ZNF420: variants seen among roughly 807,000 people sequenced by gnomAD.
The protein encoded by ZNF420 is ATM and p53-associated KZNF protein.
A neutral mutation model predicts 44.7 loss-of-function variants in ZNF420; 31 were observed. The observed-to-expected ratio is 0.69, with a 90% CI of 0.52 to 0.94. The LOEUF is 0.94. ZNF420 is among the 40% of genes least tolerant of loss of function. ZNF420 has a pLI of 0.00. For missense variants in ZNF420, 681 were observed against 827.9 expected (o/e 0.82, Z 2.18); for synonymous variants, 245 against 267.4 (o/e 0.92, Z 0.82).
At chr19:37,030,522 A>C (rs1186277333) in intron 1 of ZNF420, among the ~76,000 whole-genome samples, 1 of 152,036 alleles carries the variant, frequency 6.6e-6, no homozygotes, top group Non-Finnish European at 1.5e-5. Flanking sequence ...GTCATGCAAT[A>C]TTTTTCTTTC....
chr19:37,047,099 C>T (rs115858726), intron 1 of ZNF420, among the ~76,000 whole-genome samples: 2,676 of 148,728 alleles, frequency 0.018, 51 homozygotes, highest in Middle Eastern at 0.058. Context: ...TATGAGCCAA[C>T]GATTATGATT....
intron 1 of ZNF420, among the ~76,000 whole-genome samples, chr19:37,016,417 C>T (rs1200077226): frequency 2.0e-5 from 3 of 152,222 alleles, no homozygotes; most frequent in Non-Finnish European, 4.4e-5. Flanking sequence ...CACCTCTTGG[C>T]TCCTCTGGCT....
At chr19:37,059,262 CG>C (rs1294215781) in intron 1 of ZNF420, among the ~76,000 whole-genome samples, 1 of 142,422 alleles carries the variant, frequency 7.0e-6, no homozygotes, top group African/African-American at 2.5e-5. Context: ...GCCGCCGCCG[CG>C]GCTGCAGCAG....
Position 37,127,938 on chromosome 19 carries a change from T to C in ZNF420, c.947T>C (p.Phe316Ser), listed in dbSNP as rs1971446357. 1.9e-6 allele frequency: 3 copies of C among 1,613,968 alleles called. No individual in the cohort carries two copies. The highest frequency in any genetic ancestry group is 2.5e-6 in the Non-Finnish European group (3 of 1,179,986). Residue 316 changes from phenylalanine (F) to serine (S), a missense_variant, in exon 5 of 5, where the codon TTT becomes TCT. This residue lies in a region of ZNF420 where 350 missense variants were observed against 382.5 expected (regional missense o/e 0.92). Transcript: ENST00000337995. ...PYECKECGKA[F>S]ICGSQLSQHQ... Reference sequence around the variant, plus strand: ...GAATGTAAGGAATGTGGAAAAGCTTTTATTTGTGGCTCACAGCTTTCTCAA... The same window carrying C: ...GAATGTAAGGAATGTGGAAAAGCTTCTATTTGTGGCTCACAGCTTTCTCAA...
upstream of ZNF420, among the ~76,000 whole-genome samples, chr19:37,073,583 A>G (rs2146457723): frequency 6.6e-6 from 1 of 151,958 alleles, no homozygotes; most frequent in African/African-American, 2.4e-5. Context: ...TACTAAAAAT[A>G]TAAAAAAATT....
intron 1 of ZNF420, among the ~76,000 whole-genome samples, chr19:37,030,441 G>A (rs983866087): frequency 4.6e-5 from 7 of 152,168 alleles, no homozygotes; most frequent in Non-Finnish European, 1.5e-5. Flanking sequence ...GATTACAGGC[G>A]TGACCCACTG....
At chr19:37,010,565 T>C (rs2061080216) in intron 1 of ZNF420, among the ~76,000 whole-genome samples, 1 of 152,052 alleles carries the variant, frequency 6.6e-6, no homozygotes, top group African/African-American at 2.4e-5. Context: ...TCTCTCTGTC[T>C]GTGAGTGTGT....
At position 37,127,436 on chromosome 19, in the gene ZNF420, A is replaced by G; in HGVS notation, c.445A>G (p.Arg149Gly). The G allele has an allele frequency of 1.7e-5, 27 of 1,614,132 alleles. No individual in the cohort carries two copies. Among genetic ancestry groups the G allele is most frequent in the Non-Finnish European group, 2.3e-5 (27 of 1,180,000 alleles). Residue 149 changes from arginine (R) to glycine (G), a missense_variant, in exon 5 of 5, where the codon AGA becomes GGA. This residue lies in a region of ZNF420 where 350 missense variants were observed against 382.5 expected (regional missense o/e 0.92). Transcript: ENST00000337995. ...YKCKECGKAF[R>G]RASHLTQHQS... is the part of the protein sequence containing the mutation. ...ATGTAAGGAATGTGGGAAAGCCTTC[A>G]GACGAGCCTCACACCTAACACAACA... is the stretch of plus-strand genomic sequence containing the variant.
intron 4 of ZNF420, among the ~76,000 whole-genome samples, chr19:37,124,995 C>T (rs773098048): frequency 5.3e-5 from 8 of 152,192 alleles, no homozygotes; most frequent in Non-Finnish European, 1.0e-4. Context: ...CGCCACCATG[C>T]CTGGCTAATT....
intron 4 of ZNF420, among the ~76,000 whole-genome samples, chr19:37,099,250 A>G (rs1969626364): frequency 6.6e-6 from 1 of 151,322 alleles, no homozygotes; most frequent in South Asian, 2.1e-4. Flanking sequence ...TTTTTGAGAA[A>G]CCTCCATACT....
chr19:37,110,315 T>G (rs1439481689), intron 4 of ZNF420, among the ~76,000 whole-genome samples: 1 of 152,208 alleles, frequency 6.6e-6, no homozygotes, highest in Non-Finnish European at 1.5e-5. Flanking sequence ...TGGGCAGGTG[T>G]AGGACTTGAC....
At chr19:37,053,975 A>G (rs1967692378) in intron 1 of ZNF420, among the ~76,000 whole-genome samples, 1 of 152,252 alleles carries the variant, frequency 6.6e-6, no homozygotes, top group Non-Finnish European at 1.5e-5. Flanking sequence ...CTACAGAGGC[A>G]GCAGGCCTCC....
At chr19:37,095,563 A>G (rs1391816356) in intron 4 of ZNF420, among the ~76,000 whole-genome samples, 2 of 152,088 alleles carry the variant, frequency 1.3e-5, no homozygotes, top group African/African-American at 4.8e-5. Flanking sequence ...CATGAAATAC[A>G]TTAGGGAAGG....
chr19:37,122,869 A>G (rs923875478), intron 4 of ZNF420, among the ~76,000 whole-genome samples: 1 of 152,194 alleles, frequency 6.6e-6, no homozygotes, highest in Non-Finnish European at 1.5e-5. Context: ...TTTCAAACTT[A>G]TATTTGTAAT....
intron 1 of ZNF420, among the ~76,000 whole-genome samples, chr19:37,071,631 T>A (rs1050027935): frequency 5.3e-5 from 8 of 152,012 alleles, no homozygotes; most frequent in Non-Finnish European, 1.0e-4. Flanking sequence ...TGAAACCCCA[T>A]CTCTACTGAA....
At chr19:37,114,030 C>A (rs185246317) in intron 4 of ZNF420, among the ~76,000 whole-genome samples, 253 of 152,264 alleles carry the variant, frequency 1.7e-3, no homozygotes, top group Admixed American at 5.3e-3. Context: ...TATCTTTTAG[C>A]ATTTTTATGG....
chr19:37,039,165 A>G (rs955627030), intron 1 of ZNF420, among the ~76,000 whole-genome samples: 1 of 152,230 alleles, frequency 6.6e-6, no homozygotes, highest in Non-Finnish European at 1.5e-5. Flanking sequence ...CCAAACTCCT[A>G]TTAATGCTGC....
intron 1 of ZNF420, among the ~76,000 whole-genome samples, chr19:37,068,489 A>T (rs2146451025): frequency 6.6e-6 from 1 of 152,138 alleles, no homozygotes; most frequent in Non-Finnish European, 1.5e-5. Context: ...AAAATACAAA[A>T]ATTAGCTAGG....
chr19:37,049,050 C>A (rs1019999343), intron 1 of ZNF420, among the ~76,000 whole-genome samples: 28 of 151,898 alleles, frequency 1.8e-4, no homozygotes, highest in African/African-American at 6.3e-4. Flanking sequence ...ATGAACTCAT[C>A]ATTTTTTATG....
Sources: gnomAD v4.1 joint callset for allele counts (sites outside exome capture counted in the v4.1 genomes callset) on GRCh38, gnomAD v4.1.1 for gene constraint, gnomAD v4.1.1 regional missense constraint, MANE v1.5 for transcripts, NCBI Gene and HGNC (gene_info 2026-07-23, HGNC 2026-07-21) for gene names.